The following TENM4 variants were observed in gnomAD, a reference collection of about 807,000 sequenced individuals.
TENM4 encodes the protein teneurin-4.
A neutral mutation model predicts 243.3 loss-of-function variants in TENM4; 82 were observed. That is an observed-to-expected ratio of 0.34 (90% CI 0.28 to 0.40). TENM4 has a LOEUF of 0.40. Among genes scored for constraint, TENM4 ranks in the 10% least tolerant of loss-of-function variants. The pLI is 1.00. For synonymous variants in TENM4, 1,412 were observed against 1,456.3 expected (o/e 0.97, Z 0.69); for missense variants, 3,138 against 3,673.3 (o/e 0.85, Z 3.77).
At chr11:79,156,575 T>C (rs1381197699) in intron 3 of TENM4, among the ~76,000 whole-genome samples, 1 of 152,116 alleles carries the variant, frequency 6.6e-6, no homozygotes, top group Non-Finnish European at 1.5e-5. Flanking sequence ...CAGTGGAAGG[T>C]TACCTCCTCC....
At chr11:79,119,643 G>C (rs12363446) in intron 4 of TENM4, among the ~76,000 whole-genome samples, 1 of 152,038 alleles carries the variant, frequency 6.6e-6, no homozygotes, top group African/African-American at 2.4e-5. Flanking sequence ...CTAAGTAAGT[G>C]TGCGCAGAGG....
chr11:79,194,629 A>C (rs1220973107), intron 3 of TENM4, among the ~76,000 whole-genome samples: 1 of 152,108 alleles, frequency 6.6e-6, no homozygotes, highest in Non-Finnish European at 1.5e-5. Flanking sequence ...AACTTGAGAG[A>C]GATGATTTAG....
Position 78,936,178 on chromosome 11 carries a change from A to C in TENM4, c.494-32655T>G, listed in dbSNP as rs531000270. Among the ~76,000 whole-genome samples the C allele has an allele frequency of 3.3e-5, 5 of 152,304 alleles. No individual in the cohort carries two copies. The South Asian group carries it at 1.0e-3, about 32-fold the overall frequency. The stretch of plus-strand genomic sequence containing the variant: ...TGTCAATAACTGTTGAGTTAACTGG[A>C]AGAGTGAAAGAAGGAATGAGTCTTA... On this transcript the variant is annotated intron_variant, in intron 6 of 33. Transcript: ENST00000278550.
intron 4 of TENM4, chr11:79,093,951 A>C (rs1238285184): frequency 6.6e-6 from 1 of 152,222 alleles, no homozygotes; most frequent in Admixed American, 6.5e-5. Context: ...AGCTGAATTT[A>C]AGTTTCTAAT....
Position 78,701,607 on chromosome 11 carries a change from T to A in TENM4, c.5006A>T (p.Glu1669Val). The A allele has an allele frequency of 6.2e-7, 1 of 1,612,368 alleles. No homozygotes were observed. Among genetic ancestry groups the A allele is most frequent in the Non-Finnish European group, 8.5e-7 (1 of 1,178,502 alleles). The change falls in exon 28 of 34, where the codon GAG becomes GTG. Residue 1669 changes from glutamate (E) to valine (V), a missense_variant. Physicochemically the swap from Glu to Val is moderately radical, Grantham distance 121 (BLOSUM62 -2). This residue lies in a region of TENM4 where 2,467 missense variants were observed against 3,059.1 expected (regional missense o/e 0.81). Transcript: ENST00000278550. ...ALKSVTTQGH[E>V]LAMMTYHGNS... ...GCCATGGTATGTCATCATGGCCAAC[T>A]CGTGTCCTTGTGTGGTCACACTCTT...
At chr11:78,714,128 C>A (rs1354182072) in intron 25 of TENM4, among the ~76,000 whole-genome samples, 1 of 152,136 alleles carries the variant, frequency 6.6e-6, no homozygotes, top group East Asian at 1.9e-4. Context: ...CTGCAGACCC[C>A]CTTCAAGATG....
chr11:78,852,460 G>A (rs1027984115), intron 12 of TENM4, among the ~76,000 whole-genome samples: 4 of 152,076 alleles, frequency 2.6e-5, no homozygotes, highest in Admixed American at 6.5e-5. Context: ...CAAAGTGGGC[G>A]GCTCACTTGA....
intron 9 of TENM4, among the ~76,000 whole-genome samples, chr11:78,880,450 T>A (rs1310424157): frequency 4.6e-5 from 2 of 43,102 alleles, no homozygotes; most frequent in East Asian, 4.3e-4. Context: ...GAATGATCAA[T>A]AAATACTAAA....
chr11:79,437,873 G>A (rs1859311168), intron 1 of TENM4, among the ~76,000 whole-genome samples: 1 of 152,152 alleles, frequency 6.6e-6, no homozygotes, highest in African/African-American at 2.4e-5. Context: ...TCTGGCAGCC[G>A]GGTTAAAGGC....
intron 2 of TENM4, among the ~76,000 whole-genome samples, chr11:79,244,165 G>A (rs1357385047): frequency 1.3e-5 from 2 of 152,218 alleles, no homozygotes; most frequent in African/African-American, 4.8e-5. Flanking sequence ...GGATGGGCCT[G>A]AGAACTTGCA....
chr11:79,383,143 C>A (rs2135528226), intron 1 of TENM4, among the ~76,000 whole-genome samples: 1 of 152,304 alleles, frequency 6.6e-6, no homozygotes, highest in East Asian at 1.9e-4. Context: ...TCTGGCCACC[C>A]CTCACTGGCT....
chr11:79,192,300 C>G (rs965394134), intron 3 of TENM4, among the ~76,000 whole-genome samples: 2 of 152,198 alleles, frequency 1.3e-5, no homozygotes, highest in African/African-American at 4.8e-5. Context: ...GCCATGATGA[C>G]GATGGCGGTT....
intron 6 of TENM4, among the ~76,000 whole-genome samples, chr11:78,947,923 C>T (rs756613075): frequency 1.2e-4 from 18 of 152,128 alleles, no homozygotes; most frequent in African/African-American, 1.7e-4. Flanking sequence ...TTCCAAGAGG[C>T]GAAGTCAATG....
At chr11:79,031,257 C>G (rs974494183) in intron 6 of TENM4, among the ~76,000 whole-genome samples, 3 of 152,142 alleles carry the variant, frequency 2.0e-5, no homozygotes, top group Non-Finnish European at 4.4e-5. Flanking sequence ...TGCCTACATA[C>G]AGATAATGTA....
chr11:79,236,864 A>T (rs1318681383), intron 2 of TENM4, among the ~76,000 whole-genome samples: 5 of 151,996 alleles, frequency 3.3e-5, no homozygotes, highest in Non-Finnish European at 7.4e-5. Flanking sequence ...TCCCACCCAC[A>T]CAGTGGTGGA....
intron 3 of TENM4, among the ~76,000 whole-genome samples, chr11:79,184,588 G>T (rs1431126707): frequency 6.6e-6 from 1 of 151,930 alleles, no homozygotes; most frequent in African/African-American, 2.4e-5. Context: ...TAACCCAGGG[G>T]ACATTATGCT....
chr11:79,250,367 G>A (rs1159649827), intron 2 of TENM4, among the ~76,000 whole-genome samples: 2 of 152,246 alleles, frequency 1.3e-5, no homozygotes, highest in Non-Finnish European at 2.9e-5. Context: ...AGGCAAAGCA[G>A]GATGCCAGGC....
At chr11:78,926,684 T>G (rs1029009889) in intron 6 of TENM4, among the ~76,000 whole-genome samples, 41 of 141,958 alleles carry the variant, frequency 2.9e-4, no homozygotes, top group Non-Finnish European at 5.1e-4. Flanking sequence ...TTTGTTTTTT[T>G]TTTTTTCTGC....
chr11:78,778,756 T>C (rs1051248548), intron 16 of TENM4, 128 bp from the exon 17 acceptor site: 7 of 736,980 alleles, frequency 9.5e-6, no homozygotes, highest in African/African-American at 7.1e-5. Context: ...GCCTATGCCA[T>C]GGTGGGGAAA....
Sources: gnomAD v4.1 joint callset for allele counts (sites outside exome capture counted in the v4.1 genomes callset) on GRCh38, gnomAD v4.1.1 for gene constraint, gnomAD v4.1.1 regional missense constraint, MANE v1.5 for transcripts, NCBI Gene and HGNC (gene_info 2026-07-23, HGNC 2026-07-21) for gene names.